ITPR2: variants seen among roughly 807,000 people sequenced by gnomAD.
ITPR2 encodes inositol 1,4,5-trisphosphate receptor type 2, also known as inositol 1,4,5-trisphosphate-gated calcium channel ITPR2.
Under a neutral mutation model 317.1 loss-of-function variants are expected in ITPR2, and 207 were observed. That is an observed-to-expected ratio of 0.65 (90% CI 0.58 to 0.73). The LOEUF (loss-of-function observed/expected upper bound fraction) is 0.73. ITPR2 is among the 30% of genes least tolerant of loss of function. The probability of loss-of-function intolerance (pLI) is 0.00; values close to 1 mark genes in which losing one functional copy is unlikely to be tolerated. For synonymous variants in ITPR2, 1,156 were observed against 1,149.1 expected (o/e 1.01, Z -0.12); for missense variants, 2,613 against 3,284.0 (o/e 0.80, Z 4.99).
At chr12:26,400,047 CA>C in intron 53 of ITPR2, 80 bp downstream of exon 53, 1 of 1,420,370 alleles carries the variant, frequency 7.0e-7, no homozygotes, top group South Asian at 1.6e-5. Flanking sequence ...TCCTGAAAAC[CA>C]AAACTAAATT....
chr12:26,424,746 T>C (rs1222527530), intron 49 of ITPR2, among the ~76,000 whole-genome samples: 1 of 151,780 alleles, frequency 6.6e-6, no homozygotes, highest in Non-Finnish European at 1.5e-5. Flanking sequence ...CGAGCCACCA[T>C]GACCAGCTAA....
chr12:26,438,963 A>T (rs1234372894), intron 47 of ITPR2, among the ~76,000 whole-genome samples, 164 bp downstream of exon 47: 2 of 152,204 alleles, frequency 1.3e-5, no homozygotes, highest in Non-Finnish European at 2.9e-5. Context: ...TCTCGGCTCC[A>T]GTGGTAGACT....
chr12:26,343,318 C>T (rs934106575), intron 55 of ITPR2, among the ~76,000 whole-genome samples: 4 of 152,018 alleles, frequency 2.6e-5, no homozygotes, highest in East Asian at 3.9e-4. Flanking sequence ...TTTAAAATTC[C>T]GAAGGTAGAA....
Position 26,657,746 on chromosome 12 carries a change from T to C in ITPR2, c.2153A>G (p.Glu718Gly), listed in dbSNP as rs1162111013. ...AIRHLAQEAK[E>G]GTKADLEVLT... Reference sequence around the variant, plus strand: ...AACTTCTAAGTCAGCTTTGGTGCCTTCTTTTGCCTCTTGAGCAAGGTGCCT... The same window carrying C: ...AACTTCTAAGTCAGCTTTGGTGCCTCCTTTTGCCTCTTGAGCAAGGTGCCT... The change falls in exon 18 of 57, where the codon GAA becomes GGA. Residue 718 changes from glutamate to glycine, a missense_variant. Coordinates refer to ENST00000381340, the MANE Select transcript of ITPR2 (RefSeq NM_002223.4). 1 of 1,614,032 alleles carries C rather than the reference T, an allele frequency of 6.2e-7. No homozygotes were observed. Among genetic ancestry groups the C allele is most frequent in the African/African-American group, 1.3e-5 (1 of 74,912 alleles).
chr12:26,831,220 A>G lies in ITPR2; in HGVS notation c.92+1470T>C, dbSNP rs1238303136. 6.6e-6 allele frequency among the ~76,000 whole-genome samples: 1 copy of G among 152,202 alleles called. No homozygotes were observed. The highest frequency in any genetic ancestry group is 1.5e-5 in the Non-Finnish European group (1 of 68,044). On this transcript the variant is annotated intron_variant, in intron 1 of 56. Transcript: ENST00000381340. The surrounding 1 kb of genome is among the most constrained non-coding windows in gnomAD (Gnocchi z 4.9). ...CACAAACCCAGCAGAAGCGCTTGGC[A>G]CTAACGTGTTTTTCCTACCACGCTT...
At chr12:26,766,203 T>A (rs1194463414) in intron 2 of ITPR2, among the ~76,000 whole-genome samples, 1 of 152,190 alleles carries the variant, frequency 6.6e-6, no homozygotes, top group Non-Finnish European at 1.5e-5. Context: ...AACTTCCAGA[T>A]TGTTTTTCAA....
At chr12:26,538,180 G>C (rs958579630) in intron 37 of ITPR2, among the ~76,000 whole-genome samples, 4 of 152,162 alleles carry the variant, frequency 2.6e-5, no homozygotes, top group Admixed American at 1.3e-4. Context: ...TTTGTTGTGT[G>C]ATCTTGGGCA....
intron 55 of ITPR2, among the ~76,000 whole-genome samples, chr12:26,374,622 A>C (rs1192003271): frequency 6.6e-6 from 1 of 152,226 alleles, no homozygotes; most frequent in African/African-American, 2.4e-5. Context: ...TTGAACAGTA[A>C]CTGTGAGCCA....
intron 55 of ITPR2, among the ~76,000 whole-genome samples, chr12:26,345,934 G>A (rs898057572): frequency 2.6e-5 from 4 of 152,168 alleles, no homozygotes; most frequent in African/African-American, 7.2e-5. Flanking sequence ...TACATCTTGC[G>A]ATCATGCATA....
At chr12:26,726,380 T>C (rs531641607) in intron 2 of ITPR2, among the ~76,000 whole-genome samples, 2 of 152,304 alleles carry the variant, frequency 1.3e-5, no homozygotes, top group African/African-American at 4.8e-5. Context: ...AATATTATAG[T>C]TGTGATATCT....
intron 55 of ITPR2, among the ~76,000 whole-genome samples, chr12:26,376,236 A>G (rs1939338966): frequency 6.6e-6 from 1 of 152,184 alleles, no homozygotes; most frequent in South Asian, 2.1e-4. Flanking sequence ...GGTATCATCT[A>G]AAATATCTCG....
intron 45 of ITPR2, among the ~76,000 whole-genome samples, chr12:26,453,160 T>TATTC (rs1941782138): frequency 6.6e-6 from 1 of 151,850 alleles, no homozygotes; most frequent in African/African-American, 2.4e-5. Context: ...AGAAGATACT[T>TATTC]AAGATTTTAT....
chr12:26,609,333 G>A (rs755198549), intron 26 of ITPR2, among the ~76,000 whole-genome samples: 2 of 152,156 alleles, frequency 1.3e-5, no homozygotes, highest in Non-Finnish European at 2.9e-5. Flanking sequence ...GAGGACAGGC[G>A]CAGGGGCTCA....
At position 26,772,554 on chromosome 12, in the gene ITPR2, AC is replaced by A. The variant is rs530165153; in HGVS notation, c.163+17602del. On this transcript the variant is annotated intron_variant, in intron 2 of 56. Coordinates refer to ENST00000381340, the MANE Select transcript of ITPR2 (RefSeq NM_002223.4). ...ATAATACATGTATTATATATATAAT[AC>A]ATGTATTATATATATATATGTATCT... 7.7e-4 allele frequency among the ~76,000 whole-genome samples: 108 copies of A among 139,502 alleles called. 1 individual carries two copies. The highest frequency in any genetic ancestry group is 2.5e-3 in the African/African-American group (94 of 38,292). The allele number at this position is 139,502 out of a possible 152,430, so 91.5% of individuals were successfully genotyped here.
At chr12:26,643,799 C>T (rs1394565876) in intron 21 of ITPR2, among the ~76,000 whole-genome samples, 1 of 152,150 alleles carries the variant, frequency 6.6e-6, no homozygotes, top group East Asian at 1.9e-4. Flanking sequence ...TCTGGTTCCT[C>T]CTGACTGCTT....
Position 26,475,430 on chromosome 12 carries a change from A to C in ITPR2, c.6220-12T>G, listed in dbSNP as rs763568798. ...TTCATCACATCCACCTATCCAAAAA[A>C]AAAAAGAATATTGAAATGCCAGAAA... On this transcript the variant is annotated splice_polypyrimidine_tract_variant and intron_variant, in intron 44 of 56. Transcript: ENST00000381340. 55 of 1,599,686 alleles carry C rather than the reference A, an allele frequency of 3.4e-5. No homozygotes were observed. In the South Asian group the frequency reaches 5.6e-4, roughly 16 times the overall value.
chr12:26,556,064 A>T (rs1944654159), intron 36 of ITPR2, among the ~76,000 whole-genome samples, 169 bp downstream of exon 36: 1 of 152,216 alleles, frequency 6.6e-6, no homozygotes, highest in Non-Finnish European at 1.5e-5. Context: ...CCAAAATAAA[A>T]TTTCAAATGA....
At chr12:26,712,357 T>C (rs1948660835) in intron 8 of ITPR2, among the ~76,000 whole-genome samples, 1 of 152,204 alleles carries the variant, frequency 6.6e-6, no homozygotes, top group Non-Finnish European at 1.5e-5. Flanking sequence ...CACTTGCTAA[T>C]GCCTTTTGCT....
intron 2 of ITPR2, among the ~76,000 whole-genome samples, chr12:26,763,618 A>C (rs1328477009): frequency 6.6e-6 from 1 of 152,058 alleles, no homozygotes; most frequent in Non-Finnish European, 1.5e-5. Context: ...TGTAATTTTT[A>C]TTTCTTTTAG....
Sources: allele counts gnomAD v4.1 joint callset (sites outside exome capture counted in the v4.1 genomes callset), GRCh38; gene constraint gnomAD v4.1.1; non-coding constraint Gnocchi (gnomAD v3.1); transcripts MANE v1.5; gene names NCBI Gene and HGNC (gene_info 2026-07-23, HGNC 2026-07-21).